The following PDHX variants were observed in gnomAD, a reference collection of about 807,000 sequenced individuals.
The protein encoded by PDHX is pyruvate dehydrogenase complex component X, also known as pyruvate dehydrogenase protein X component, mitochondrial.
A neutral mutation model predicts 55.3 loss-of-function variants in PDHX; 33 were observed. The ratio of observed to expected loss-of-function variants is 0.60; its 90% CI spans 0.45 to 0.80. The LOEUF (loss-of-function observed/expected upper bound fraction) is 0.80. Among genes scored for constraint, PDHX ranks in the 30% least tolerant of loss-of-function variants. The probability of loss-of-function intolerance (pLI) is 0.00; values close to 1 mark genes in which losing one functional copy is unlikely to be tolerated. For missense variants in PDHX, 622 were observed against 619.9 expected (o/e 1.00, Z -0.04); for synonymous variants, 226 against 219.4 (o/e 1.03, Z -0.27).
chr11:34,966,536 T>A, intron 5 of PDHX, 104 bp from the exon 6 acceptor site: 1 of 1,027,694 alleles, frequency 9.7e-7, no homozygotes, highest in Non-Finnish European at 1.5e-6. Flanking sequence ...CCTTGACATC[T>A]GTATATTTCT....
chr11:34,987,697 T>G (rs184663350), intron 9 of PDHX, among the ~76,000 whole-genome samples: 1 of 151,162 alleles, frequency 6.6e-6, no homozygotes, highest in Admixed American at 6.6e-5. Context: ...GAATAGGCAT[T>G]AAAAATAAGT....
intron 5 of PDHX, among the ~76,000 whole-genome samples, chr11:34,962,683 A>G (rs1416049085): frequency 1.3e-5 from 2 of 152,310 alleles, no homozygotes; most frequent in East Asian, 1.9e-4. Flanking sequence ...AAATGTGGGA[A>G]AAGTCAAGGA....
intron 2 of PDHX, among the ~76,000 whole-genome samples, chr11:34,934,571 ATTTTTTT>A (rs35227178): frequency 4.3e-5 from 4 of 92,418 alleles, no homozygotes; most frequent in African/African-American, 1.8e-4. Context: ...GATATTATGG[ATTTTTTT>A]TTTTTTTTTT....
chr11:34,941,169 C>T (rs1026532777), intron 2 of PDHX, among the ~76,000 whole-genome samples: 1 of 152,200 alleles, frequency 6.6e-6, no homozygotes, highest in Non-Finnish European at 1.5e-5. Context: ...TAGGGCAGGA[C>T]CTCAACTGGC....
At chr11:34,936,320 G>A (rs1017547778) in intron 2 of PDHX, among the ~76,000 whole-genome samples, 1 of 152,120 alleles carries the variant, frequency 6.6e-6, no homozygotes, top group Non-Finnish European at 1.5e-5. Context: ...TCCTCAGTGG[G>A]GAATATGTCT....
intron 9 of PDHX, among the ~76,000 whole-genome samples, chr11:34,989,704 T>G (rs1855721155): frequency 6.6e-6 from 1 of 152,202 alleles, no homozygotes; most frequent in Admixed American, 6.5e-5. Flanking sequence ...TTAGGCCTTC[T>G]GCAGCTTCTG....
chr11:34,936,608 G>GC (rs1313037589), intron 2 of PDHX, among the ~76,000 whole-genome samples: 3 of 151,990 alleles, frequency 2.0e-5, no homozygotes, highest in Non-Finnish European at 2.9e-5. Context: ...ACATACTTTT[G>GC]CAACAGCAGG....
intron 1 of PDHX, among the ~76,000 whole-genome samples, chr11:34,925,811 G>A (rs1379939260): frequency 1.3e-5 from 2 of 152,186 alleles, no homozygotes; most frequent in African/African-American, 4.8e-5. Flanking sequence ...ATGCTCAGAG[G>A]TGATGCTCAA....
At chr11:34,977,035 A>C (rs956506532) in intron 7 of PDHX, among the ~76,000 whole-genome samples, 7 of 152,158 alleles carry the variant, frequency 4.6e-5, no homozygotes, top group African/African-American at 1.4e-4. Context: ...TTAAGCAAAA[A>C]TGTTTATATA....
Position 34,939,504 on chromosome 11 carries a change from T to TGTGTGTGTGC in PDHX, c.242-8001_242-8000insTGTGTGTGCG, listed in dbSNP as rs1491574898. 6.1e-4 allele frequency among the ~76,000 whole-genome samples: 90 copies of TGTGTGTGTGC among 148,510 alleles called. 2 individuals are homozygous for TGTGTGTGTGC. Among genetic ancestry groups the TGTGTGTGTGC allele is most frequent in the African/African-American group, 2.2e-3 (88 of 39,270 alleles). On this transcript the variant is annotated intron_variant, in intron 2 of 10. Transcript: ENST00000227868. ...GTGTGTGTGTGTGTGTGTGTGTGTG[T>TGTGTGTGTGC]GCACTTGCATGCGCGCAGCGTTTTA...
intron 1 of PDHX, 99 bp from the exon 2 acceptor site, chr11:34,931,305 T>C (rs1854158165): frequency 2.7e-6 from 2 of 734,446 alleles, no homozygotes; most frequent in Non-Finnish European, 4.9e-6. Context: ...ATACCTTCTT[T>C]TTCAAATTGA....
At chr11:34,927,762 G>A (rs560717809) in intron 1 of PDHX, among the ~76,000 whole-genome samples, 1 of 152,052 alleles carries the variant, frequency 6.6e-6, no homozygotes, top group Admixed American at 6.5e-5. Flanking sequence ...AAAATATATT[G>A]CACATTTAAC....
chr11:34,958,543 C>T (rs1210047076), intron 4 of PDHX, among the ~76,000 whole-genome samples: 2 of 152,108 alleles, frequency 1.3e-5, no homozygotes, highest in African/African-American at 4.8e-5. Flanking sequence ...CTTCATGATC[C>T]GCCTGCCTCG....
intron 3 of PDHX, among the ~76,000 whole-genome samples, chr11:34,955,587 A>C (rs1854886899): frequency 6.6e-6 from 1 of 152,188 alleles, no homozygotes; most frequent in Non-Finnish European, 1.5e-5. Context: ...TGAATAGTTA[A>C]AAATAAATTT....
chr11:34,916,106 G>A (rs1199945340), upstream of PDHX: 15 of 1,334,784 alleles, frequency 1.1e-5, no homozygotes, highest in African/African-American at 7.5e-5. Context: ...CGAACGGCCA[G>A]GCCCGAAACC....
At chr11:34,977,250 C>T (rs1207092942) in intron 7 of PDHX, among the ~76,000 whole-genome samples, 2 of 152,098 alleles carry the variant, frequency 1.3e-5, no homozygotes, top group African/African-American at 4.8e-5. Flanking sequence ...CTGACTAGAT[C>T]TAGATCTTAG....
chr11:34,921,802 T>G (rs1379154911), intron 1 of PDHX, among the ~76,000 whole-genome samples: 1 of 152,176 alleles, frequency 6.6e-6, no homozygotes, highest in Admixed American at 6.5e-5. Context: ...AAATACTTTG[T>G]ATATGTTTAC....
intron 9 of PDHX, among the ~76,000 whole-genome samples, chr11:34,988,586 A>G (rs1399860620): frequency 2.0e-5 from 3 of 151,730 alleles, no homozygotes; most frequent in Non-Finnish European, 4.4e-5. Flanking sequence ...AAACTTGAGA[A>G]GCAGCTCCTG....
intron 1 of PDHX, among the ~76,000 whole-genome samples, chr11:34,919,120 C>T (rs1853812894): frequency 6.6e-6 from 1 of 152,204 alleles, no homozygotes; most frequent in Non-Finnish European, 1.5e-5. Context: ...GCATGTGAAG[C>T]TGTGGAAAGT....
Sources: gnomAD v4.1 joint callset for allele counts (sites outside exome capture counted in the v4.1 genomes callset) on GRCh38, gnomAD v4.1.1 for gene constraint, MANE v1.5 for transcripts, NCBI Gene and HGNC (gene_info 2026-07-23, HGNC 2026-07-21) for gene names.